The following VRK2 variants were observed in gnomAD, a reference collection of about 807,000 sequenced individuals.
VRK2 encodes the protein serine/threonine-protein kinase VRK2.
In VRK2, 60 loss-of-function variants were observed where a neutral mutation model predicts 57.6. The ratio of observed to expected loss-of-function variants is 1.04; its 90% CI spans 0.85 to 1.29. The LOEUF is 1.29. Among genes scored for constraint, VRK2 ranks in the 50% most tolerant of loss-of-function variants. VRK2 has a pLI of 0.00. For synonymous variants in VRK2, 231 were observed against 199.2 expected (o/e 1.16, Z -1.35); for missense variants, 705 against 588.1 (o/e 1.20, Z -2.06).
At chr2:57,982,165 G>C (rs911754339) in intron 1 of VRK2, among the ~76,000 whole-genome samples, 11 of 152,172 alleles carry the variant, frequency 7.2e-5, no homozygotes, top group African/African-American at 2.7e-4. Context: ...ATTCAGCTCA[G>C]CACTCCTGGG....
At chr2:58,147,467 T>G (rs1682336785) in intron 12 of VRK2, among the ~76,000 whole-genome samples, 1 of 151,928 alleles carries the variant, frequency 6.6e-6, no homozygotes, top group Admixed American at 6.6e-5. Flanking sequence ...GTGACAAAAC[T>G]TAGAGATTCT....
intron 1 of VRK2, among the ~76,000 whole-genome samples, chr2:57,912,603 A>G (rs1216269654): frequency 6.6e-6 from 1 of 152,186 alleles, no homozygotes; most frequent in African/African-American, 2.4e-5. Context: ...TGACACCAAG[A>G]AATTTTGTAT....
At chr2:58,116,909 C>T (rs1676605434) in intron 7 of VRK2, among the ~76,000 whole-genome samples, 1 of 152,088 alleles carries the variant, frequency 6.6e-6, no homozygotes, top group Non-Finnish European at 1.5e-5. Flanking sequence ...TGGAGGAACG[C>T]CTGGCTGCTG....
At chr2:58,087,773 G>GA (rs1671835424) in intron 5 of VRK2, among the ~76,000 whole-genome samples, 1 of 152,192 alleles carries the variant, frequency 6.6e-6, no homozygotes, top group African/African-American at 2.4e-5. Flanking sequence ...CGGATCATGA[G>GA]GTCAAGAGGT....
At chr2:57,986,117 T>C (rs759382266) in intron 1 of VRK2, among the ~76,000 whole-genome samples, 4 of 152,036 alleles carry the variant, frequency 2.6e-5, no homozygotes, top group Non-Finnish European at 5.9e-5. Context: ...ACCCTGTGAG[T>C]GTTCTACTTG....
intron 12 of VRK2, among the ~76,000 whole-genome samples, chr2:58,158,098 G>A (rs1684259406): frequency 6.6e-6 from 1 of 152,148 alleles, no homozygotes; most frequent in South Asian, 2.1e-4. Flanking sequence ...AATTATAGTA[G>A]CTTGACTTCT....
At chr2:57,987,695 T>C (rs1239015321) in intron 1 of VRK2, among the ~76,000 whole-genome samples, 2 of 152,176 alleles carry the variant, frequency 1.3e-5, no homozygotes, top group Non-Finnish European at 2.9e-5. Flanking sequence ...CACAAAAACC[T>C]ATATATGAAT....
intron 11 of VRK2, among the ~76,000 whole-genome samples, chr2:58,145,831 G>A (rs1019454658): frequency 4.6e-5 from 7 of 151,824 alleles, no homozygotes; most frequent in African/African-American, 1.7e-4. Flanking sequence ...GTGTCCAAGT[G>A]TTCTCTGTTC....
At chr2:57,933,663 G>GTTTT (rs34738965) in intron 1 of VRK2, among the ~76,000 whole-genome samples, 1 of 149,006 alleles carries the variant, frequency 6.7e-6, no homozygotes, top group Admixed American at 6.7e-5. Context: ...TTTTTGGGTT[G>GTTTT]TTTTTTTTTT....
At chr2:58,075,311 T>G (rs754112499) in intron 2 of VRK2, among the ~76,000 whole-genome samples, 1 of 152,090 alleles carries the variant, frequency 6.6e-6, no homozygotes, top group Non-Finnish European at 1.5e-5. Context: ...ACATCTAGGT[T>G]GATCTTTGCT....
At chr2:57,931,475 T>C (rs1670722033) in intron 1 of VRK2, among the ~76,000 whole-genome samples, 1 of 152,194 alleles carries the variant, frequency 6.6e-6, no homozygotes, top group Non-Finnish European at 1.5e-5. Flanking sequence ...ACTTGATTTT[T>C]TGCTACTGAG....
chr2:58,138,986 G>T (rs1158327691), intron 10 of VRK2, among the ~76,000 whole-genome samples: 1 of 152,060 alleles, frequency 6.6e-6, no homozygotes, highest in Non-Finnish European at 1.5e-5. Context: ...CCTTTTTGGG[G>T]AAAGGGGGTT....
chr2:58,058,443 C>T (rs964501292), intron 2 of VRK2: 5 of 469,914 alleles, frequency 1.1e-5, no homozygotes, highest in South Asian at 4.7e-5. Context: ...TCGGAAGCTT[C>T]GACATGTGTG....
intron 1 of VRK2, among the ~76,000 whole-genome samples, chr2:57,913,612 A>T (rs571105883): frequency 1.4e-3 from 218 of 152,228 alleles, no homozygotes; most frequent in Admixed American, 1.9e-3. Context: ...ATTGCACCCA[A>T]ATATTTCTAA....
intron 1 of VRK2, among the ~76,000 whole-genome samples, chr2:57,920,822 G>A (rs1332604040): frequency 6.6e-6 from 1 of 152,056 alleles, no homozygotes; most frequent in Non-Finnish European, 1.5e-5. Context: ...ATCTGACTCC[G>A]GCTGGGTGTA....
chr2:58,148,785 G>A (rs1238252907), intron 12 of VRK2, among the ~76,000 whole-genome samples: 1 of 151,558 alleles, frequency 6.6e-6, no homozygotes, highest in African/African-American at 2.4e-5. Context: ...GAATTTCTTT[G>A]GAGCCCTTTT....
chr2:57,959,730 C>T (rs1330634818), intron 1 of VRK2, among the ~76,000 whole-genome samples: 1 of 152,162 alleles, frequency 6.6e-6, no homozygotes, highest in African/African-American at 2.4e-5. Context: ...AGAGGCTCGG[C>T]AGGTCCCTAC....
chr2:58,128,557 C>T (rs146704808), intron 8 of VRK2, among the ~76,000 whole-genome samples: 25 of 152,236 alleles, frequency 1.6e-4, no homozygotes, highest in African/African-American at 5.8e-4. Flanking sequence ...GTCTTAAACT[C>T]TTGACCTCAG....
intron 1 of VRK2, among the ~76,000 whole-genome samples, chr2:57,996,093 C>T (rs192628289): frequency 2.0e-5 from 3 of 152,218 alleles, no homozygotes; most frequent in Admixed American, 1.3e-4. Context: ...CTAGAGCATA[C>T]GGGTGATGTG....
Sources: allele counts gnomAD v4.1 joint callset (sites outside exome capture counted in the v4.1 genomes callset), GRCh38; gene constraint gnomAD v4.1.1; transcripts MANE v1.5; gene names NCBI Gene and HGNC (gene_info 2026-07-23, HGNC 2026-07-21).